CAPN10: variants seen among roughly 807,000 people sequenced by gnomAD.
The protein encoded by CAPN10 is calpain 10.
CAPN10 carries 71 observed loss-of-function variants against 78.4 expected under a neutral mutation model. The ratio of observed to expected loss-of-function variants is 0.91; its 90% CI spans 0.75 to 1.10. The LOEUF (loss-of-function observed/expected upper bound fraction) is 1.10. Ranked by LOEUF, CAPN10 falls within the 50% of genes least tolerant of loss-of-function variation. The pLI, the probability that CAPN10 is intolerant of heterozygous loss-of-function variation, is 0.00. For missense variants in CAPN10, 849 were observed against 924.6 expected (o/e 0.92, Z 1.06); for synonymous variants, 437 against 407.2 (o/e 1.07, Z -0.88).
At chr2:240,592,853 C>T (rs2093111294) in intron 4 of CAPN10, 1 of 179,506 alleles carries the variant, frequency 5.6e-6, no homozygotes, top group Non-Finnish European at 1.2e-5. Flanking sequence ...TAAGATCTCT[C>T]TGGTTTTATA....
At position 240,595,308 on chromosome 2, in the gene CAPN10, ACTCAGCC is replaced by A. The variant is rs1343916364; in HGVS notation, c.1278+6_1278+12del. 6.2e-7 allele frequency: 1 copy of A among 1,611,878 alleles called. No individual in the cohort carries two copies. The highest frequency in any genetic ancestry group is 8.5e-7 in the Non-Finnish European group (1 of 1,179,904). ...TGTGGGTCTGCACCTCTGGAAGGTA[ACTCAGCC>A]CCGTCTGGCTCACGCTCGGTTCAGC... On this transcript the variant is annotated splice_donor_5th_base_variant and intron_variant, in intron 7 of 11. Coordinates refer to ENST00000391984, the MANE Select transcript of CAPN10 (RefSeq NM_023083.4).
chr2:240,593,606 G>T (rs2093116909), intron 4 of CAPN10, among the ~76,000 whole-genome samples: 1 of 152,266 alleles, frequency 6.6e-6, no homozygotes, highest in Non-Finnish European at 1.5e-5. Context: ...CAGGCATCGT[G>T]CACAGATGGG....
rs771284091 is a variant in CAPN10 at position 240,596,397 on chromosome 2, C to T, written c.1357C>T (p.Arg453Trp). ...TGGCACCGCGTGCCATGCATACGAC[C>T]GGGAGGTCCACCTGCGTTGTGAGCT... The part of the protein sequence containing the change: ...VAGTACHAYD[R>W]EVHLRCELSP... The change falls in exon 8 of 12, where the codon CGG becomes TGG. Residue 453 changes from arginine to tryptophan, a missense_variant. Transcript: ENST00000391984. The T allele has an allele frequency of 8.1e-6, 13 of 1,613,496 alleles. No individual in the cohort carries two copies. In the East Asian group the frequency reaches 1.8e-4, roughly 22 times the overall value.
In CAPN10 at chr2:240,596,469, G is replaced by T; in HGVS notation, c.1429G>T (p.Ala477Ser). The T allele has an allele frequency of 6.2e-7, 1 of 1,612,950 alleles. No individual in the cohort carries two copies. Among genetic ancestry groups the T allele is most frequent in the Non-Finnish European group, 8.5e-7 (1 of 1,179,360 alleles). Residue 477 changes from alanine (A) to serine (S), a missense_variant, in exon 8 of 12, where the codon GCG becomes TCG. Physicochemically the swap from Ala to Ser is moderately conservative, Grantham distance 99 (BLOSUM62 1). Transcript: ENST00000391984. ...LAVPSTFLKD[A>S]PGEFLLRVFS... ...TGTCCCCAGCACCTTCCTGAAGGAC[G>T]CGCCAGGGGAGTTCCTGCTCCGAGT...
chr2:240,598,475 C>T, intron 11 of CAPN10, 78 bp downstream of exon 11: 9 of 1,551,130 alleles, frequency 5.8e-6, no homozygotes, highest in African/African-American at 1.4e-5. Flanking sequence ...CAACCTCAGG[C>T]AGGTGGTTTC....
At chr2:240,588,585 G>T (rs1328938690) in intron 1 of CAPN10, among the ~76,000 whole-genome samples, 1 of 152,154 alleles carries the variant, frequency 6.6e-6, no homozygotes, top group Non-Finnish European at 1.5e-5. Context: ...ACCAAGAGAA[G>T]CCCAGTGGGT....
At chr2:240,596,622 G>A in intron 8 of CAPN10, 59 bp from the exon 9 acceptor site, 1 of 1,533,094 alleles carries the variant, frequency 6.5e-7, no homozygotes, top group Non-Finnish European at 8.8e-7. Context: ...TGTCCATGTG[G>A]GAACTGAGGC....
intron 1 of CAPN10, 59 bp from the exon 2 acceptor site, chr2:240,589,284 T>TA (rs2093086406): frequency 6.2e-7 from 1 of 1,610,222 alleles, no homozygotes; most frequent in African/African-American, 1.3e-5. Flanking sequence ...CTTGGGTTCT[T>TA]AGTTTGAAGG....
In CAPN10 at chr2:240,589,444, G is replaced by A. The variant is rs145259832; in HGVS notation, c.243G>A (p.Ala81=). 1.2e-4 allele frequency: 187 copies of A among 1,613,778 alleles called. 1 individual carries two copies. The African/African-American group carries it at 2.3e-3, about 20-fold the overall frequency. The change falls in exon 2 of 12, where the codon GCG becomes GCA. Residue 81 remains alanine, a synonymous_variant. Transcript: ENST00000391984. The part of the protein sequence containing the change: ...GDCWFLCACA[A]LQKSRHLLDQ... ...GCTGGTTCCTGTGTGCCTGCGCCGC[G>A]CTGCAGAAGAGCAGGCACCTCCTGG...
At position 240,596,363 on chromosome 2, in the gene CAPN10, C is replaced by T. The variant is rs764054638; in HGVS notation, c.1323C>T (p.Pro441=). 4 of 1,612,794 alleles carry T rather than the reference C, an allele frequency of 2.5e-6. No individual in the cohort carries two copies. In the South Asian group the frequency reaches 4.4e-5, roughly 18 times the overall value. The change falls in exon 8 of 12, where the codon CCC becomes CCT. Residue 441 remains proline, a synonymous_variant. Coordinates refer to ENST00000391984, the MANE Select transcript of CAPN10 (RefSeq NM_023083.4). ...RVNLPRVLSM[P]PVAGTACHAY... is the part of the protein sequence containing the mutation. The stretch of plus-strand genomic sequence containing the variant: ...ATCTGCCTAGGGTCCTGTCCATGCC[C>T]CCCGTGGCTGGCACCGCGTGCCATG...
chr2:240,594,149 G>A, intron 5 of CAPN10, 102 bp downstream of exon 5: 1 of 1,287,936 alleles, frequency 7.8e-7, no homozygotes, highest in Non-Finnish European at 1.0e-6. Context: ...GTACTTGGCT[G>A]TCTCCAGCAA....
intron 5 of CAPN10, 183 bp from the exon 6 acceptor site, chr2:240,594,360 G>T: frequency 1.5e-6 from 1 of 685,890 alleles, no homozygotes; most frequent in Non-Finnish European, 2.5e-6. Flanking sequence ...GGTGGCCGCT[G>T]CCCAGAAGGC....
chr2:240,593,373 C>G (rs1211097975), intron 4 of CAPN10, among the ~76,000 whole-genome samples: 1 of 152,236 alleles, frequency 6.6e-6, no homozygotes, highest in Non-Finnish European at 1.5e-5. Flanking sequence ...ACAGATGTGG[C>G]CTTCCTCTCT....
rs1279444161 is a variant in CAPN10 at position 240,594,359 on chromosome 2, T to G, written c.831-184T>G. 4.4e-6 allele frequency: 3 copies of G among 681,878 alleles called. No individual in the cohort carries two copies. In the African/African-American group the frequency reaches 5.3e-5, roughly 12 times the overall value. The allele number at this position is 681,878 out of a possible 1,614,324, so 42.2% of individuals were successfully genotyped here. A position where few individuals can be genotyped will look rare whatever the true frequency, so the allele number is the denominator to read the frequency against. ...AAAGAGAGGGCTCCAGGGTGGCCGC[T>G]GCCCAGAAGGCCCTGTGCTGCAGAG... On this transcript the variant is annotated intron_variant, in intron 5 of 11. Coordinates refer to ENST00000391984, the MANE Select transcript of CAPN10 (RefSeq NM_023083.4).
Position 240,595,305 on chromosome 2 carries a change from G to C in CAPN10, c.1278+1G>C. 1 of 1,612,466 alleles carries C rather than the reference G, an allele frequency of 6.2e-7. No individual in the cohort carries two copies. The highest frequency in any genetic ancestry group is 2.2e-5 in the East Asian group (1 of 44,864). On this transcript the variant is annotated splice_donor_variant, in intron 7 of 11. Transcript: ENST00000391984. LOFTEE classifies it high-confidence loss of function. ...GGCTGTGGGTCTGCACCTCTGGAAG[G>C]TAACTCAGCCCCGTCTGGCTCACGC...
rs767852158 is a variant in CAPN10 at position 240,587,065 on chromosome 2, G to A, written c.141+13G>A. The A allele has an allele frequency of 3.7e-5, 50 of 1,361,562 alleles. No homozygotes were observed. Among genetic ancestry groups the A allele is most frequent in the Non-Finnish European group, 4.7e-5 (50 of 1,054,142 alleles). 84.3% of individuals were successfully genotyped at this position (1,361,562 alleles called of 1,614,324 possible). ...GAGGCGGCCCCAGGTGGGGCCGTGT[G>A]GGGTGCGGTGGGCGCCGTTTCTGGT... On this transcript the variant is annotated intron_variant, in intron 1 of 11. Transcript: ENST00000391984.
At chr2:240,589,087 T>C (rs1037719904) in intron 1 of CAPN10, among the ~76,000 whole-genome samples, 1 of 152,184 alleles carries the variant, frequency 6.6e-6, no homozygotes, top group African/African-American at 2.4e-5. Flanking sequence ...TTAGCTGTTT[T>C]GAGAAGGAGC....
chr2:240,590,783 G>T (rs368345808), intron 2 of CAPN10, 32 bp from the exon 3 acceptor site: 2 of 1,605,782 alleles, frequency 1.2e-6, no homozygotes, highest in Admixed American at 3.3e-5. Context: ...CTTATATCAC[G>T]CTCGCCTTTT....
intron 10 of CAPN10, 97 bp downstream of exon 10, chr2:240,598,184 C>G (rs1355376185): frequency 5.9e-6 from 8 of 1,350,464 alleles, no homozygotes; most frequent in Non-Finnish European, 8.3e-6. Flanking sequence ...GCCCCTCACC[C>G]TCAAGCCCCT....
Sources: gnomAD v4.1 joint callset for allele counts (sites outside exome capture counted in the v4.1 genomes callset) on GRCh38, gnomAD v4.1.1 for gene constraint, MANE v1.5 for transcripts, NCBI Gene and HGNC (gene_info 2026-07-23, HGNC 2026-07-21) for gene names.